The following C12orf42 variants were observed in gnomAD, a reference collection of about 807,000 sequenced individuals.
C12orf42 encodes uncharacterized protein C12orf42.
Under a neutral mutation model 21.6 loss-of-function variants are expected in C12orf42, and 25 were observed. The ratio of observed to expected loss-of-function variants is 1.16; its 90% CI spans 0.84 to 1.62. The LOEUF is 1.62. Among genes scored for constraint, C12orf42 ranks in the 40% most tolerant of loss-of-function variants. The pLI is 0.00. For synonymous variants in C12orf42, 174 were observed against 175.0 expected (o/e 0.99, Z 0.05); for missense variants, 483 against 459.3 (o/e 1.05, Z -0.47).
the C12orf42 span, among the ~76,000 whole-genome samples, chr12:103,538,465 C>T: frequency 2.0e-5 from 3 of 152,160 alleles, no homozygotes; most frequent in Non-Finnish European, 1.5e-5. Context: ...CTCAGAGTCC[C>T]TTAGAAGGTG....
At chr12:103,280,870 C>A (rs2036072459) in intron 4 of C12orf42, among the ~76,000 whole-genome samples, 1 of 152,106 alleles carries the variant, frequency 6.6e-6, no homozygotes, top group African/African-American at 2.4e-5. Flanking sequence ...TGCAGATCAC[C>A]CAGCCACTGA....
intron 2 of C12orf42, among the ~76,000 whole-genome samples, chr12:103,418,782 T>G (rs1012824222): frequency 6.6e-6 from 1 of 152,126 alleles, no homozygotes; most frequent in Non-Finnish European, 1.5e-5. Context: ...AAAAAAATGC[T>G]TTTAAAACTA....
the C12orf42 span, among the ~76,000 whole-genome samples, chr12:103,067,568 C>A: frequency 6.6e-6 from 1 of 152,086 alleles, no homozygotes; most frequent in Non-Finnish European, 1.5e-5. Flanking sequence ...GATACACAGG[C>A]CCAGGAATGA....
chr12:103,172,103 C>A, the C12orf42 span, among the ~76,000 whole-genome samples: 5 of 152,078 alleles, frequency 3.3e-5, no homozygotes, highest in African/African-American at 1.2e-4. Context: ...ATCATTCATT[C>A]ATTCCTTCAT....
At chr12:103,219,791 G>C in the C12orf42 span, among the ~76,000 whole-genome samples, 1 of 152,290 alleles carries the variant, frequency 6.6e-6, no homozygotes, top group South Asian at 2.1e-4. Context: ...GGACAAATAG[G>C]AATGCTTATA....
At chr12:103,110,154 C>A in the C12orf42 span, among the ~76,000 whole-genome samples, 2 of 152,242 alleles carry the variant, frequency 1.3e-5, no homozygotes, top group East Asian at 1.9e-4. Flanking sequence ...GAGTAATAAC[C>A]CACATGTCCA....
intron 2 of C12orf42, 117 bp from the exon 3 acceptor site, chr12:103,401,792 G>A: frequency 1.1e-6 from 1 of 928,182 alleles, no homozygotes; most frequent in Non-Finnish European, 1.7e-6. Flanking sequence ...AACAATGGCT[G>A]TTCATTCACT....
chr12:103,502,654 C>T, the C12orf42 span, among the ~76,000 whole-genome samples: 14 of 152,168 alleles, frequency 9.2e-5, no homozygotes, highest in South Asian at 2.1e-4. Context: ...CAGCCCTGCC[C>T]GCTGCCAGCC....
In C12orf42 at chr12:103,430,510, T is replaced by C. The variant is rs11111571; in HGVS notation, c.79-28835A>G. Among the ~76,000 whole-genome samples, 2,679 of 152,284 alleles carry C rather than the reference T, an allele frequency of 0.018. 207 individuals carry two copies. The East Asian group carries it at 0.25, about 14-fold the overall frequency. On this transcript the variant is annotated intron_variant, in intron 2 of 5. Coordinates refer to ENST00000548883, the MANE Select transcript of C12orf42 (RefSeq NM_198521.5). ...AGAAAAAGGAACACTTTTACACTGT[T>C]GGTGGGAGTGTAAATTAGTTCAACC...
chr12:103,320,066 C>T (rs771338824), intron 4 of C12orf42, among the ~76,000 whole-genome samples: 1 of 152,128 alleles, frequency 6.6e-6, no homozygotes, highest in African/African-American at 2.4e-5. Context: ...AGAAAGAAAA[C>T]GTTATAAGTT....
At chr12:103,252,903 C>T (rs1406211819) in intron 10 of C12orf42, among the ~76,000 whole-genome samples, 1 of 152,078 alleles carries the variant, frequency 6.6e-6, no homozygotes, top group African/African-American at 2.4e-5. Context: ...AATAGTATTA[C>T]CTAGGTTTTC....
downstream of C12orf42, among the ~76,000 whole-genome samples, chr12:103,266,858 G>C (rs2035194897): frequency 6.6e-6 from 1 of 152,068 alleles, no homozygotes; most frequent in Non-Finnish European, 1.5e-5. Context: ...GTAAAAAGTG[G>C]AAAAATAACC....
At chr12:103,200,979 C>A in the C12orf42 span, among the ~76,000 whole-genome samples, 1 of 152,260 alleles carries the variant, frequency 6.6e-6, no homozygotes, top group African/African-American at 2.4e-5. Context: ...ATTTCTGCAT[C>A]CTGCTGGTTA....
intron 2 of C12orf42, among the ~76,000 whole-genome samples, chr12:103,474,260 G>T (rs917291186): frequency 2.6e-5 from 4 of 152,140 alleles, no homozygotes; most frequent in Non-Finnish European, 5.9e-5. Context: ...GGAAGAAAAA[G>T]TTGGAAAACA....
chr12:103,543,893 T>G, the C12orf42 span, among the ~76,000 whole-genome samples: 7 of 140,728 alleles, frequency 5.0e-5, no homozygotes, highest in Admixed American at 1.4e-4. Flanking sequence ...TTTTTTTTGT[T>G]TTGTTTTTTG....
chr12:103,254,688 A>G (rs557757289), intron 10 of C12orf42, among the ~76,000 whole-genome samples: 22 of 152,274 alleles, frequency 1.4e-4, no homozygotes, highest in African/African-American at 5.1e-4. Context: ...GCGTGTCCTC[A>G]CTTATAAGTG....
chr12:103,465,857 T>C (rs1478466516), intron 2 of C12orf42, among the ~76,000 whole-genome samples: 2 of 152,222 alleles, frequency 1.3e-5, no homozygotes, highest in Non-Finnish European at 2.9e-5. Flanking sequence ...GAGATAATCA[T>C]GTGGTTTTTG....
At chr12:103,286,810 T>A (rs889705966) in intron 4 of C12orf42, among the ~76,000 whole-genome samples, 2 of 152,022 alleles carry the variant, frequency 1.3e-5, no homozygotes, top group African/African-American at 4.8e-5. Context: ...TGGTCATGAA[T>A]AATTGAAAGC....
chr12:103,445,612 T>C (rs1251344666), intron 2 of C12orf42, among the ~76,000 whole-genome samples: 1 of 152,064 alleles, frequency 6.6e-6, no homozygotes, highest in African/African-American at 2.4e-5. Context: ...TGTTGTGGTT[T>C]GCTTTTTTTA....
Sources: gnomAD v4.1 joint callset for allele counts (sites outside exome capture counted in the v4.1 genomes callset) on GRCh38, gnomAD v4.1.1 for gene constraint, MANE v1.5 for transcripts, NCBI Gene and HGNC (gene_info 2026-07-23, HGNC 2026-07-21) for gene names.